The following NR3C2 variants were observed in gnomAD, a reference collection of about 807,000 sequenced individuals.
The protein encoded by NR3C2 is nuclear receptor subfamily 3 group C member 2, also known as mineralocorticoid receptor.
Under a neutral mutation model 86.4 loss-of-function variants are expected in NR3C2, and 15 were observed. The observed-to-expected ratio is 0.17, with a 90% CI of 0.12 to 0.27. The LOEUF is 0.27. Ranked by LOEUF, NR3C2 falls within the 10% of genes least tolerant of loss-of-function variation. The probability of loss-of-function intolerance (pLI) is 1.00; values close to 1 mark genes in which losing one functional copy is unlikely to be tolerated. For synonymous variants in NR3C2, 458 were observed against 450.5 expected, an observed-to-expected ratio of 1.02 and a Z score of -0.21; for missense variants, 960 against 1,195.6, an observed-to-expected ratio of 0.80 and a Z score of 2.91.
chr4:148,204,049 T>C (rs1736874208), intron 3 of NR3C2, among the ~76,000 whole-genome samples: 1 of 152,202 alleles, frequency 6.6e-6, no homozygotes, highest in Admixed American at 6.5e-5. Flanking sequence ...AGCACAAAAT[T>C]CCCACATAAA....
intron 6 of NR3C2, among the ~76,000 whole-genome samples, chr4:148,133,866 T>G (rs1029342853): frequency 6.6e-6 from 1 of 152,240 alleles, no homozygotes; most frequent in Non-Finnish European, 1.5e-5. Context: ...GCTCACTTTA[T>G]AGGATCACTG....
intron 2 of NR3C2, among the ~76,000 whole-genome samples, chr4:148,426,612 T>C (rs928622045): frequency 6.6e-6 from 1 of 152,196 alleles, no homozygotes; most frequent in Non-Finnish European, 1.5e-5. Flanking sequence ...TTCTGTCTCC[T>C]TCATTAGGAT....
chr4:148,186,996 GTATATATA>G (rs1162757665), intron 4 of NR3C2, among the ~76,000 whole-genome samples: 1,250 of 27,028 alleles, frequency 0.046, 8 homozygotes, highest in Middle Eastern at 0.086. Flanking sequence ...GTGTATGTAT[GTATATATA>G]TATATATATA....
chr4:148,147,807 A>G (rs759639313), intron 6 of NR3C2, among the ~76,000 whole-genome samples: 3 of 152,194 alleles, frequency 2.0e-5, no homozygotes, highest in Non-Finnish European at 2.9e-5. Context: ...CATATAGAAC[A>G]TGTTCAGAAG....
intron 2 of NR3C2, among the ~76,000 whole-genome samples, chr4:148,299,421 T>G (rs1579122996): frequency 6.6e-6 from 1 of 152,164 alleles, no homozygotes; most frequent in African/African-American, 2.4e-5. Context: ...GACTTTTCTA[T>G]GGCATTGTCC....
At chr4:148,086,821 C>G (rs1214516531) in intron 8 of NR3C2, among the ~76,000 whole-genome samples, 1 of 152,190 alleles carries the variant, frequency 6.6e-6, no homozygotes, top group Admixed American at 6.5e-5. Context: ...CAGCCAATAT[C>G]ATACTGAATG....
chr4:148,219,731 C>T (rs1737733729), intron 3 of NR3C2, among the ~76,000 whole-genome samples: 1 of 151,986 alleles, frequency 6.6e-6, no homozygotes, highest in African/African-American at 2.4e-5. Flanking sequence ...GAAAGGTTTG[C>T]AAAGATATAA....
At chr4:148,105,160 T>C (rs553703929) in intron 8 of NR3C2, among the ~76,000 whole-genome samples, 3 of 152,224 alleles carry the variant, frequency 2.0e-5, no homozygotes, top group Admixed American at 2.0e-4. Flanking sequence ...ATATGAACTA[T>C]GACTCTCTCA....
At chr4:148,265,661 C>T (rs570334978) in intron 2 of NR3C2, among the ~76,000 whole-genome samples, 3 of 152,246 alleles carry the variant, frequency 2.0e-5, no homozygotes, top group Non-Finnish European at 4.4e-5. Flanking sequence ...AAGCTTCTAC[C>T]ACCACCATCA....
At chr4:148,289,302 A>C (rs1741688011) in intron 2 of NR3C2, among the ~76,000 whole-genome samples, 3 of 150,120 alleles carry the variant, frequency 2.0e-5, no homozygotes, top group Non-Finnish European at 4.4e-5. Context: ...CATGATGTGA[A>C]TATGACAGCC....
intron 2 of NR3C2, among the ~76,000 whole-genome samples, chr4:148,391,236 G>A (rs1224192989): frequency 6.6e-6 from 1 of 152,098 alleles, no homozygotes; most frequent in East Asian, 1.9e-4. Context: ...ACCATGACAT[G>A]TAACAGTGCT....
chr4:148,338,652 G>A (rs578017069), intron 2 of NR3C2, among the ~76,000 whole-genome samples: 1 of 152,284 alleles, frequency 6.6e-6, no homozygotes, highest in South Asian at 2.1e-4. Context: ...ACGGCACAAA[G>A]GAGCAATAGG....
At chr4:148,443,627 T>C (rs1252362348), upstream of NR3C2, among the ~76,000 whole-genome samples, 4 of 151,832 alleles carry the variant, frequency 2.6e-5, no homozygotes, top group Admixed American at 2.0e-4. Context: ...AGGCTTCTCA[T>C]GTAAGGCCCC....
intron 2 of NR3C2, among the ~76,000 whole-genome samples, chr4:148,353,819 G>A (rs1745420034): frequency 6.6e-6 from 1 of 151,992 alleles, no homozygotes; most frequent in Non-Finnish European, 1.5e-5. Context: ...AGATTTTATT[G>A]TTTTGCAGGA....
At chr4:148,164,792 G>T (rs1734809701) in intron 4 of NR3C2, among the ~76,000 whole-genome samples, 1 of 152,214 alleles carries the variant, frequency 6.6e-6, no homozygotes, top group South Asian at 2.1e-4. Context: ...GGTCACAGGG[G>T]TGAATAAGTT....
At chr4:148,417,890 T>C (rs1749090613) in intron 2 of NR3C2, among the ~76,000 whole-genome samples, 1 of 152,220 alleles carries the variant, frequency 6.6e-6, no homozygotes, top group Admixed American at 6.5e-5. Context: ...GCATTATATA[T>C]TTAGTGACGT....
At chr4:148,196,745 A>T (rs1736458748) in intron 3 of NR3C2, among the ~76,000 whole-genome samples, 1 of 152,232 alleles carries the variant, frequency 6.6e-6, no homozygotes, top group South Asian at 2.1e-4. Context: ...GAAATCTATC[A>T]AAGTGAAGAA....
At chr4:148,265,591 T>A (rs962421909) in intron 2 of NR3C2, among the ~76,000 whole-genome samples, 5 of 152,078 alleles carry the variant, frequency 3.3e-5, no homozygotes, top group African/African-American at 2.4e-5. Context: ...TCGTATTTTT[T>A]AAACTCACTT....
intron 3 of NR3C2, among the ~76,000 whole-genome samples, chr4:148,248,228 T>C (rs1282208524): frequency 6.6e-6 from 1 of 152,230 alleles, no homozygotes; most frequent in East Asian, 1.9e-4. Context: ...AATTAATGGC[T>C]AATACTCTTA....
Sources: gnomAD v4.1 joint callset for allele counts (sites outside exome capture counted in the v4.1 genomes callset) on GRCh38, gnomAD v4.1.1 for gene constraint, MANE v1.5 for transcripts, NCBI Gene and HGNC (gene_info 2026-07-23, HGNC 2026-07-21) for gene names.